Variants in NRG1 observed in about 807,000 individuals in gnomAD.
NRG1 encodes the protein pro-neuregulin-1, membrane-bound isoform.
Under a neutral mutation model 63.8 loss-of-function variants are expected in NRG1, and 18 were observed. The observed-to-expected ratio is 0.28, with a 90% CI of 0.19 to 0.42. NRG1 has a LOEUF of 0.42. NRG1 is among the 10% of genes least tolerant of loss of function. The pLI is 1.00. For synonymous variants in NRG1, 302 were observed against 301.3 expected (o/e 1.00, Z -0.02); for missense variants, 762 against 814.7 (o/e 0.94, Z 0.79).
intron 1 of NRG1, among the ~76,000 whole-genome samples, chr8:31,837,058 G>A (rs994180030): frequency 1.1e-4 from 16 of 152,040 alleles, no homozygotes; most frequent in Admixed American, 1.0e-3. Context: ...AGGGCCATTT[G>A]TATTTTATTT....
At chr8:32,227,325 A>T (rs1296159452) in intron 1 of NRG1, among the ~76,000 whole-genome samples, 1 of 152,216 alleles carries the variant, frequency 6.6e-6, no homozygotes, top group East Asian at 1.9e-4. Flanking sequence ...TTCTTCATGA[A>T]TCTATTCATC....
intron 11 of NRG1, chr8:32,760,630 A>AC (rs989023858): frequency 1.5e-6 from 2 of 1,349,350 alleles, no homozygotes; most frequent in Non-Finnish European, 1.9e-6. Context: ...ACAGACTCTT[A>AC]AAGAGCTGGG....
chr8:32,418,559 A>T (rs1816257931), intron 1 of NRG1, among the ~76,000 whole-genome samples: 1 of 152,066 alleles, frequency 6.6e-6, no homozygotes, highest in Non-Finnish European at 1.5e-5. Context: ...TCAGGTTCCC[A>T]ATAGCCATAT....
intron 1 of NRG1, among the ~76,000 whole-genome samples, chr8:32,462,595 C>CTTTTTTTTTTTTTTTTTTTTTTTTTT (rs58485445): frequency 2.8e-5 from 2 of 72,276 alleles, no homozygotes; most frequent in African/African-American, 5.2e-5. Flanking sequence ...CACACTGATT[C>CTTTTTTTTTTTTTTTTTTTTTTTTTT]TTTTTTTTTT....
intron 1 of NRG1, among the ~76,000 whole-genome samples, chr8:31,651,549 G>T (rs1804845266): frequency 2.0e-5 from 3 of 152,202 alleles, no homozygotes; most frequent in Admixed American, 6.5e-5. Flanking sequence ...TCTAATGGCT[G>T]CAGGGCGAGG....
At chr8:32,055,884 T>C (rs980571015) in intron 1 of NRG1, among the ~76,000 whole-genome samples, 3 of 152,146 alleles carry the variant, frequency 2.0e-5, no homozygotes, top group Non-Finnish European at 4.4e-5. Context: ...ACTGTGTCTT[T>C]GCTAGCAGAC....
intron 1 of NRG1, among the ~76,000 whole-genome samples, chr8:31,715,422 T>G (rs1048306522): frequency 6.6e-6 from 1 of 152,190 alleles, no homozygotes; most frequent in African/African-American, 2.4e-5. Context: ...ATGCATGGGC[T>G]GCTGTCAAGT....
At chr8:31,821,669 A>T (rs968009759) in intron 1 of NRG1, among the ~76,000 whole-genome samples, 2 of 152,306 alleles carry the variant, frequency 1.3e-5, no homozygotes, top group East Asian at 3.9e-4. Context: ...CAGGAAATGC[A>T]AGGCTCATCA....
intron 1 of NRG1, among the ~76,000 whole-genome samples, chr8:32,173,667 C>G (rs1393326180): frequency 2.6e-5 from 4 of 151,426 alleles, no homozygotes; most frequent in Non-Finnish European, 4.4e-5. Flanking sequence ...AAATGGAAAA[C>G]AAAAAAAGGC....
chr8:32,535,018 C>T (rs999220049), intron 1 of NRG1, among the ~76,000 whole-genome samples: 9 of 152,130 alleles, frequency 5.9e-5, no homozygotes, highest in African/African-American at 2.2e-4. Context: ...GGTTGGGAAA[C>T]AGAGATAAAT....
chr8:32,280,292 A>G (rs1216796296), intron 1 of NRG1, among the ~76,000 whole-genome samples: 2 of 152,244 alleles, frequency 1.3e-5, no homozygotes, highest in Non-Finnish European at 2.9e-5. Flanking sequence ...GAGTTTTTCC[A>G]CTTCATATGA....
chr8:32,693,012 C>G (rs537469435), intron 5 of NRG1, among the ~76,000 whole-genome samples: 1 of 152,122 alleles, frequency 6.6e-6, no homozygotes, highest in Non-Finnish European at 1.5e-5. Context: ...GCCACATCAC[C>G]GAATGCCTTT....
chr8:32,318,489 GACTTAACCTGTAA>G (rs1801013680), intron 1 of NRG1, among the ~76,000 whole-genome samples: 2 of 152,052 alleles, frequency 1.3e-5, no homozygotes, highest in African/African-American at 4.8e-5. Flanking sequence ...GAAGTTAAGT[GACTTAACCTGTAA>G]CAGGCTGGTC....
intron 1 of NRG1, chr8:32,220,956 A>C (rs2132481964): frequency 6.6e-6 from 1 of 152,350 alleles, no homozygotes; most frequent in Non-Finnish European, 1.5e-5. Flanking sequence ...CACAAAGCAC[A>C]GTTCCTAACA....
intron 1 of NRG1, among the ~76,000 whole-genome samples, chr8:32,417,795 C>T (rs1450291826): frequency 6.6e-6 from 1 of 151,936 alleles, no homozygotes; most frequent in African/African-American, 2.4e-5. Context: ...AAATTTTTTG[C>T]AAAAATACTT....
intron 11 of NRG1, chr8:32,763,363 T>G: frequency 1.2e-6 from 2 of 1,613,626 alleles, no homozygotes. Flanking sequence ...TAGGAAGGTA[T>G]AGTATTTAAG....
chr8:31,865,403 T>C (rs556107309), intron 1 of NRG1, among the ~76,000 whole-genome samples: 3 of 152,288 alleles, frequency 2.0e-5, no homozygotes, highest in Admixed American at 2.0e-4. Flanking sequence ...ACAAGTGTTC[T>C]GAAGTTTCTC....
At chr8:31,730,408 C>T (rs1032896550) in intron 1 of NRG1, among the ~76,000 whole-genome samples, 11 of 152,126 alleles carry the variant, frequency 7.2e-5, no homozygotes, top group Non-Finnish European at 1.5e-4. Context: ...TTCTCTCTCA[C>T]AGACACATTC....
chr8:31,814,541 ACT>A (rs1231223498), intron 1 of NRG1, among the ~76,000 whole-genome samples: 3 of 151,808 alleles, frequency 2.0e-5, no homozygotes, highest in African/African-American at 7.3e-5. Context: ...CAGATGAATA[ACT>A]CTCATGAAAT....
Sources: gnomAD v4.1 joint callset for allele counts (sites outside exome capture counted in the v4.1 genomes callset) on GRCh38, gnomAD v4.1.1 for gene constraint, MANE v1.5 for transcripts, NCBI Gene and HGNC (gene_info 2026-07-23, HGNC 2026-07-21) for gene names.